Variants in EXPH5 observed in about 807,000 individuals in gnomAD.
EXPH5 encodes exophilin-5.
In EXPH5, 42 loss-of-function variants were observed where a neutral mutation model predicts 41.1. The observed-to-expected ratio is 1.02, with a 90% CI of 0.80 to 1.32. EXPH5 has a LOEUF of 1.32. Ranked by LOEUF, EXPH5 falls within the 40% of genes most tolerant of loss-of-function variation. EXPH5 has a pLI of 0.00. For missense variants in EXPH5, 2,298 were observed against 2,314.5 expected (o/e 0.99, Z 0.15); for synonymous variants, 798 against 833.5 (o/e 0.96, Z 0.73).
At chr11:108,564,116 C>A (rs2094024414) in intron 1 of EXPH5, among the ~76,000 whole-genome samples, 1 of 151,678 alleles carries the variant, frequency 6.6e-6, no homozygotes, top group Non-Finnish European at 1.5e-5. Flanking sequence ...CCTGTCTCTA[C>A]TAAAAATACA....
At chr11:108,585,281 T>C (rs2094109905) in intron 1 of EXPH5, among the ~76,000 whole-genome samples, 1 of 152,226 alleles carries the variant, frequency 6.6e-6, no homozygotes. Flanking sequence ...AGAACTACTA[T>C]GCTCTTGTCT....
intron 1 of EXPH5, among the ~76,000 whole-genome samples, chr11:108,587,335 G>A (rs2094116207): frequency 6.6e-6 from 1 of 152,226 alleles, no homozygotes; most frequent in Non-Finnish European, 1.5e-5. Flanking sequence ...AGGAATGAAA[G>A]TATTTTCTGA....
chr11:108,599,865 T>G, the EXPH5 span, among the ~76,000 whole-genome samples: 103 of 152,364 alleles, frequency 6.8e-4, no homozygotes, highest in African/African-American at 2.2e-3. Flanking sequence ...TAATAACTAC[T>G]GTCGACCTGA....
chr11:108,521,085 T>C (rs2093762303), intron 4 of EXPH5, among the ~76,000 whole-genome samples: 1 of 152,144 alleles, frequency 6.6e-6, no homozygotes, highest in African/African-American at 2.4e-5. Flanking sequence ...TCCACTTCCC[T>C]TTCCAGTCTT....
At chr11:108,601,071 G>A in the EXPH5 span, among the ~76,000 whole-genome samples, 8 of 152,270 alleles carry the variant, frequency 5.3e-5, no homozygotes, top group Admixed American at 2.0e-4. Context: ...TATTCCTACC[G>A]GAGTGAAATT....
At position 108,511,220 on chromosome 11, in the gene EXPH5, A is replaced by G. The variant is rs1272616786; in HGVS notation, c.4287T>C (p.Ala1429=). The G allele has an allele frequency of 6.2e-7, 1 of 1,613,202 alleles. No homozygotes were observed. Among genetic ancestry groups the G allele is most frequent in the Non-Finnish European group, 8.5e-7 (1 of 1,179,846 alleles). ...AATTTCCAATATTAACTTCTGAAAGAGCTGGAAGACTAGAGGGACCACTGT... is the reference window on the plus strand; with the variant it reads ...AATTTCCAATATTAACTTCTGAAAGGGCTGGAAGACTAGAGGGACCACTGT... The part of the protein sequence containing the change: ...SSNSGPSSLP[A]LSEVNIGNSQ... Residue 1429 remains alanine, a synonymous_variant, in exon 6 of 6, where the codon GCT becomes GCC. Transcript: ENST00000265843.
chr11:108,577,763 T>C (rs1302351838), intron 1 of EXPH5, among the ~76,000 whole-genome samples: 4 of 152,178 alleles, frequency 2.6e-5, no homozygotes, highest in African/African-American at 9.7e-5. Flanking sequence ...GATATTTCAT[T>C]GTAGTTTTGA....
intron 1 of EXPH5, among the ~76,000 whole-genome samples, chr11:108,578,648 T>C (rs1349180606): frequency 6.6e-6 from 1 of 152,250 alleles, no homozygotes; most frequent in East Asian, 1.9e-4. Context: ...ACAATACTAA[T>C]TCTTCCAATC....
At chr11:108,583,755 A>T (rs1354680460) in intron 1 of EXPH5, among the ~76,000 whole-genome samples, 1 of 152,236 alleles carries the variant, frequency 6.6e-6, no homozygotes, top group East Asian at 1.9e-4. Flanking sequence ...GCTCAGCAAC[A>T]AAGCAAGGAA....
chr11:108,581,024 T>C (rs931082103), intron 1 of EXPH5, among the ~76,000 whole-genome samples: 8 of 152,192 alleles, frequency 5.3e-5, no homozygotes, highest in Non-Finnish European at 1.2e-4. Flanking sequence ...AACATTAATA[T>C]GGCTGGGCAT....
chr11:108,555,560 G>A (rs2093986003), intron 1 of EXPH5, among the ~76,000 whole-genome samples: 1 of 152,142 alleles, frequency 6.6e-6, no homozygotes, highest in South Asian at 2.1e-4. Context: ...GATGTCTGCA[G>A]GAGCCCTGAC....
Position 108,512,920 on chromosome 11 carries a change from T to C in EXPH5, c.2587A>G (p.Lys863Glu), listed in dbSNP as rs374390228. 3.7e-6 allele frequency: 6 copies of C among 1,613,314 alleles called. No homozygotes were observed. The highest frequency in any genetic ancestry group is 5.1e-6 in the Non-Finnish European group (6 of 1,179,722). The change falls in exon 6 of 6, where the codon AAA (lysine) becomes GAA (glutamate). Residue 863 changes from lysine (K) to glutamate (E), a missense_variant. Physicochemically the swap from Lys to Glu is moderately conservative, Grantham distance 56. Transcript: ENST00000265843. ...LTDTQNAQYS[K>E]CKLTPGHKTS... ...TTGTGGCCAGGAGTTAACTTGCATTTTGAGTATTGTGCATTTTGAGTATCA... is the reference window on the plus strand; with the variant it reads ...TTGTGGCCAGGAGTTAACTTGCATTCTGAGTATTGTGCATTTTGAGTATCA...
the EXPH5 span, among the ~76,000 whole-genome samples, chr11:108,603,391 T>A: frequency 6.6e-6 from 1 of 152,236 alleles, no homozygotes; most frequent in Non-Finnish European, 1.5e-5. Flanking sequence ...AAATAATTTT[T>A]AAATCATATT....
intron 1 of EXPH5, among the ~76,000 whole-genome samples, chr11:108,589,247 A>G (rs186062540): frequency 2.0e-5 from 3 of 152,360 alleles, no homozygotes; most frequent in Admixed American, 2.0e-4. Flanking sequence ...AAGCCCAATC[A>G]GTAGACATCC....
In EXPH5 at chr11:108,539,476, G is replaced by C. The variant is rs1188232241; in HGVS notation, c.281-290C>G. 2.0e-5 allele frequency among the ~76,000 whole-genome samples: 3 copies of C among 152,132 alleles called. No homozygotes were observed. The East Asian group carries it at 5.8e-4, about 29-fold the overall frequency. On this transcript the variant is annotated intron_variant, in intron 2 of 5. Coordinates refer to ENST00000265843, the MANE Select transcript of EXPH5 (RefSeq NM_015065.3). ...TCCTCTCACCCAAGCTAGGAAATCA[G>C]GGACCCCATTCAATTCTCATGTTCC...
chr11:108,562,015 G>T (rs1016986943), intron 1 of EXPH5, among the ~76,000 whole-genome samples: 16 of 152,162 alleles, frequency 1.1e-4, no homozygotes, highest in Admixed American at 9.8e-4. Flanking sequence ...CTGAGGACTG[G>T]CCGTGCAGGG....
At chr11:108,538,003 A>T (rs1027650404) in intron 3 of EXPH5, 2 of 985,308 alleles carry the variant, frequency 2.0e-6, no homozygotes, top group Non-Finnish European at 2.4e-6. Flanking sequence ...TCTGGTAGCT[A>T]CAGTCACATA....
intron 1 of EXPH5, among the ~76,000 whole-genome samples, chr11:108,566,799 G>A (rs1816446058): frequency 6.6e-6 from 1 of 152,110 alleles, no homozygotes; most frequent in African/African-American, 2.4e-5. Context: ...GTCTTCTGGA[G>A]GCTTCCTATG....
chr11:108,581,321 A>G (rs995732073), intron 1 of EXPH5, among the ~76,000 whole-genome samples: 1 of 149,644 alleles, frequency 6.7e-6, no homozygotes, highest in Non-Finnish European at 1.5e-5. Context: ...AGAAAAAAAT[A>G]TATATATATG....
Sources: allele counts gnomAD v4.1 joint callset (sites outside exome capture counted in the v4.1 genomes callset), GRCh38; gene constraint gnomAD v4.1.1; transcripts MANE v1.5; gene names NCBI Gene and HGNC (gene_info 2026-07-23, HGNC 2026-07-21).